The following INPP4B variants were observed in gnomAD, a reference collection of about 807,000 sequenced individuals.
INPP4B encodes inositol polyphosphate-4-phosphatase type II B.
INPP4B carries 55 observed loss-of-function variants against 122.5 expected under a neutral mutation model. That is an observed-to-expected ratio of 0.45 (90% confidence interval 0.36 to 0.56). The LOEUF is 0.56. Ranked by LOEUF, INPP4B falls within the 20% of genes least tolerant of loss-of-function variation. The probability of loss-of-function intolerance (pLI) is 0.00; values close to 1 mark genes in which losing one functional copy is unlikely to be tolerated. For missense variants in INPP4B, 1,000 were observed against 1,097.7 expected, an observed-to-expected ratio of 0.91 and a Z score of 1.26; for synonymous variants, 403 against 388.7, an observed-to-expected ratio of 1.04 and a Z score of -0.43.
chr4:142,254,769 G>A (rs1372350013), intron 11 of INPP4B, among the ~76,000 whole-genome samples: 1 of 152,176 alleles, frequency 6.6e-6, no homozygotes, highest in African/African-American at 2.4e-5. Context: ...AACCAAGGTG[G>A]AAAACACTCT....
chr4:142,420,955 CT>C (rs1806750567), intron 5 of INPP4B, among the ~76,000 whole-genome samples: 1 of 152,138 alleles, frequency 6.6e-6, no homozygotes, highest in South Asian at 2.1e-4. Flanking sequence ...ACCACTTACG[CT>C]AATTCATTTA....
intron 2 of INPP4B, among the ~76,000 whole-genome samples, chr4:142,708,215 C>A (rs1762684665): frequency 6.6e-6 from 1 of 152,092 alleles, no homozygotes; most frequent in South Asian, 2.1e-4. Context: ...AAGAGATGAT[C>A]TGAAACTGGA....
chr4:142,515,401 T>C (rs1416486216), intron 2 of INPP4B, among the ~76,000 whole-genome samples: 2 of 152,210 alleles, frequency 1.3e-5, no homozygotes, highest in Non-Finnish European at 1.5e-5. Flanking sequence ...AAATTCTCTC[T>C]GGTGTTTCCT....
intron 21 of INPP4B, 110 bp downstream of exon 21, chr4:142,122,018 A>C (rs1796750374): frequency 1.4e-6 from 1 of 716,808 alleles, no homozygotes; most frequent in African/African-American, 1.8e-5. Flanking sequence ...AAAGAAAAAA[A>C]ACAAAAGAAA....
chr4:142,465,182 G>A (rs17016170), intron 2 of INPP4B, among the ~76,000 whole-genome samples: 22,656 of 152,068 alleles, frequency 0.15, 1,962 homozygotes, highest in East Asian at 0.36. Context: ...AAGTCTAAAG[G>A]ACAAAAGTTT....
intron 2 of INPP4B, among the ~76,000 whole-genome samples, chr4:142,668,266 C>T (rs1756449401): frequency 6.6e-6 from 1 of 152,106 alleles, no homozygotes; most frequent in African/African-American, 2.4e-5. Flanking sequence ...AACATATGAT[C>T]ACTTCAATAG....
intron 7 of INPP4B, among the ~76,000 whole-genome samples, chr4:142,383,288 C>T (rs1413323364): frequency 1.3e-5 from 2 of 152,158 alleles, no homozygotes; most frequent in Non-Finnish European, 2.9e-5. Flanking sequence ...ACCTAGTCCT[C>T]ATAAAATATA....
Position 142,314,781 on chromosome 4 carries a change from T to C in INPP4B, c.373-19A>G. ...TTCGAACCTGTGGAGAAAAACATTT[T>C]CTGTAAGACTTTGGAGTAGAAACTA... On this transcript the variant is annotated intron_variant, in intron 7 of 25. Transcript: ENST00000262992. The C allele has an allele frequency of 6.3e-7, 1 of 1,589,340 alleles. No individual in the cohort carries two copies. The highest frequency in any genetic ancestry group is 8.5e-7 in the Non-Finnish European group (1 of 1,170,910).
At chr4:142,416,862 C>G (rs975506415) in intron 5 of INPP4B, among the ~76,000 whole-genome samples, 1 of 152,108 alleles carries the variant, frequency 6.6e-6, no homozygotes, top group Admixed American at 6.6e-5. Flanking sequence ...ATAAAACAAG[C>G]TTCATACAGA....
chr4:142,770,586 T>G (rs1772891530), intron 1 of INPP4B, among the ~76,000 whole-genome samples: 2 of 152,104 alleles, frequency 1.3e-5, no homozygotes, highest in Admixed American at 1.3e-4. Flanking sequence ...TCAGAGTTTC[T>G]TTTACTAATT....
chr4:142,500,986 T>G (rs2149819225), intron 2 of INPP4B, among the ~76,000 whole-genome samples: 1 of 152,336 alleles, frequency 6.6e-6, no homozygotes, highest in African/African-American at 2.4e-5. Context: ...CAATACTATA[T>G]TGTAAAATTA....
chr4:142,664,132 T>G (rs955364139), intron 2 of INPP4B, among the ~76,000 whole-genome samples: 9 of 152,144 alleles, frequency 5.9e-5, no homozygotes, highest in African/African-American at 1.7e-4. Flanking sequence ...CAGCTTCAGT[T>G]TGGGCCCAAT....
At chr4:142,345,217 G>T (rs971997473) in intron 7 of INPP4B, among the ~76,000 whole-genome samples, 2 of 151,978 alleles carry the variant, frequency 1.3e-5, no homozygotes, top group East Asian at 3.9e-4. Flanking sequence ...TTATTCTTTA[G>T]TAAATAAAAG....
chr4:142,076,876 A>C (rs1771044669), intron 25 of INPP4B, among the ~76,000 whole-genome samples: 1 of 152,104 alleles, frequency 6.6e-6, no homozygotes, highest in Non-Finnish European at 1.5e-5. Flanking sequence ...ATCAAAAACA[A>C]AGAAAAAAAT....
chr4:142,720,183 C>A (rs1463547266), intron 2 of INPP4B, among the ~76,000 whole-genome samples: 1 of 152,058 alleles, frequency 6.6e-6, no homozygotes, highest in Non-Finnish European at 1.5e-5. Flanking sequence ...GAAAATAATT[C>A]AAAAATATTT....
intron 25 of INPP4B, among the ~76,000 whole-genome samples, chr4:142,038,718 T>TAA (rs1048406846): frequency 6.6e-6 from 1 of 152,136 alleles, no homozygotes; most frequent in Non-Finnish European, 1.5e-5. Flanking sequence ...AATTTATGAT[T>TAA]AAGTGGTTGT....
At chr4:142,833,123 G>A (rs956185807) in intron 1 of INPP4B, among the ~76,000 whole-genome samples, 19 of 151,908 alleles carry the variant, frequency 1.3e-4, no homozygotes, top group African/African-American at 4.6e-4. Context: ...CACAAGTGAA[G>A]TGGGTCAGGT....
intron 2 of INPP4B, among the ~76,000 whole-genome samples, chr4:142,638,007 T>C (rs1197872526): frequency 3.3e-5 from 5 of 152,238 alleles, no homozygotes; most frequent in South Asian, 2.1e-4. Flanking sequence ...TCTTGAAGTA[T>C]ATTTTTAGGT....
intron 3 of INPP4B, among the ~76,000 whole-genome samples, chr4:142,447,617 C>T (rs1813183791): frequency 6.6e-6 from 1 of 152,146 alleles, no homozygotes. Flanking sequence ...ATTGAAATCA[C>T]CCTGAAGGAT....
Sources: gnomAD v4.1 joint callset for allele counts (sites outside exome capture counted in the v4.1 genomes callset) on GRCh38, gnomAD v4.1.1 for gene constraint, MANE v1.5 for transcripts, NCBI Gene and HGNC (gene_info 2026-07-23, HGNC 2026-07-21) for gene names.